Variants in WDR45 observed in about 807,000 individuals in gnomAD.
The protein encoded by WDR45 is WD repeat domain 45, also known as WD repeat domain phosphoinositide-interacting protein 4.
A neutral mutation model predicts 27.3 loss-of-function variants in WDR45; 2 were observed. That is an observed-to-expected ratio of 0.07 (90% CI 0.03 to 0.23). WDR45 has a LOEUF of 0.23. Ranked by LOEUF, WDR45 falls within the 10% of genes least tolerant of loss-of-function variation. The pLI is 1.00. For synonymous variants in WDR45, 99 were observed against 119.2 expected (o/e 0.83, Z 1.11); for missense variants, 175 against 311.9 (o/e 0.56, Z 3.31).
At chrX:49,092,481 G>A in intron 2 of WDR45, among the ~76,000 whole-genome samples, 1 of 110,027 alleles carries the variant, frequency 9.1e-6, no homozygotes, top group Non-Finnish European at 1.9e-5. Context: ...TAAAAAAATA[G>A]TAGCAGTTTA....
chrX:49,078,002 G>A (rs781996737), intron 2 of WDR45, 39 bp downstream of exon 2: 3 of 1,210,503 alleles, frequency 2.5e-6, no homozygotes, highest in Non-Finnish European at 3.4e-6. Flanking sequence ...TCTTTTCCTC[G>A]CTTCCTCCCA....
At chrX:49,092,321 T>C (rs905835463) in intron 2 of WDR45, among the ~76,000 whole-genome samples, 2 of 106,038 alleles carry the variant, frequency 1.9e-5, no homozygotes, top group African/African-American at 6.9e-5. Context: ...TCCACTATCT[T>C]GATTATGGTG....
intron 2 of WDR45, among the ~76,000 whole-genome samples, chrX:49,088,011 C>G (rs2065092001): frequency 8.9e-6 from 1 of 112,213 alleles, no homozygotes; most frequent in Admixed American, 9.6e-5. Context: ...AAAGGAAAAG[C>G]TGGGGAATGA....
chrX:49,075,472 G>A lies in WDR45; in HGVS notation c.726-7C>T. ...GTCGTGGCTGAAGTTAATGCTAGAA[G>A]ACAGATCAGCAGTGATGCCCACATG... On this transcript the variant is annotated splice_polypyrimidine_tract_variant and splice_region_variant and intron_variant, in intron 8 of 10. Coordinates refer to ENST00000376372, the MANE Select transcript of WDR45 (RefSeq NM_001029896.2). The A allele has an allele frequency of 1.7e-6, 2 of 1,210,499 alleles. No homozygotes were observed. The highest frequency in any genetic ancestry group is 2.2e-6 in the Non-Finnish European group (2 of 894,578).
chrX:49,086,632 C>A (rs1488137258), intron 2 of WDR45, among the ~76,000 whole-genome samples: 2 of 110,194 alleles, frequency 1.8e-5, no homozygotes, highest in African/African-American at 6.6e-5. Context: ...CTTGCTCTGT[C>A]GCCCAGGCTG....
At chrX:49,079,708 C>T (rs2065058011) in intron 1 of WDR45, 43 bp downstream of exon 1, 1 of 112,413 alleles carries the variant, frequency 8.9e-6, no homozygotes, top group African/African-American at 3.2e-5. Context: ...CTGCCTTAGA[C>T]CCCTACTCGA....
chrX:49,085,694 G>A (rs1246229797), intron 2 of WDR45, among the ~76,000 whole-genome samples: 1 of 112,023 alleles, frequency 8.9e-6, no homozygotes, highest in Non-Finnish European at 1.9e-5. Flanking sequence ...TGGGAAACAT[G>A]GTGAAACCCT....
chrX:49,095,759 CTTTTTTTT>C (rs1204267334), intron 2 of WDR45, among the ~76,000 whole-genome samples: 1 of 26,137 alleles, frequency 3.8e-5, no homozygotes, highest in Non-Finnish European at 6.0e-5. Flanking sequence ...CGTGCCCGGC[CTTTTTTTT>C]TTTTTTTTTT....
intron 2 of WDR45, among the ~76,000 whole-genome samples, chrX:49,089,786 C>CAAAAAA (rs782204856): frequency 4.1e-5 from 3 of 72,892 alleles, no homozygotes; most frequent in South Asian, 8.9e-4. Flanking sequence ...AACCTTATCT[C>CAAAAAA]AAAAAAAAAA....
chrX:49,081,530 G>GAA (rs782310285), upstream of WDR45, among the ~76,000 whole-genome samples: 3 of 60,682 alleles, frequency 4.9e-5, 1 homozygote, highest in Non-Finnish European at 9.6e-5. Context: ...ACTCTGTCTC[G>GAA]AAAAAAAAAA....
intron 2 of WDR45, among the ~76,000 whole-genome samples, chrX:49,092,119 C>A (rs1212341461): frequency 3.9e-4 from 14 of 35,728 alleles, no homozygotes; most frequent in Admixed American, 1.1e-3. Context: ...CACTCCATCT[C>A]AAAAAAAAAA....
chrX:49,075,159 G>C lies in WDR45; in HGVS notation c.950C>G (p.Ser317Cys). 1 of 1,212,016 alleles carries C rather than the reference G, an allele frequency of 8.3e-7. No homozygotes were observed. Residue 317 changes from serine to cysteine, a missense_variant, in exon 10 of 11, where the codon TCC (serine) becomes TGC (cysteine). By Grantham distance (112) the Ser-to-Cys change is moderately radical (BLOSUM62 -1). Around this residue, in one of 3 missense-constraint regions of WDR45, gnomAD observed 71 missense variants for 123.0 expected, o/e 0.58. Coordinates refer to ENST00000376372, the MANE Select transcript of WDR45 (RefSeq NM_001029896.2). ...ACICAFGRNT[S>C]KNVNSVIAIC... Reference sequence around the variant, plus strand: ...ACCAATGACAGAGTTGACGTTCTTGGAAGTATTGCGACCGAAGGCGCAGAT... The same window carrying C: ...ACCAATGACAGAGTTGACGTTCTTGCAAGTATTGCGACCGAAGGCGCAGAT...
At position 49,075,533 on chromosome X, in the gene WDR45, C is replaced by T. The variant is rs1386187257; in HGVS notation, c.725+12G>A. ...TGGGGTCACCAGCCCACCATGCATA[C>T]CCTGTGCTCACCAGTAGAGGGTGGC... On this transcript the variant is annotated intron_variant, in intron 8 of 10. Transcript: ENST00000376372. 3.3e-6 allele frequency: 4 copies of T among 1,209,909 alleles called. No individual in the cohort carries two copies. Among genetic ancestry groups the T allele is most frequent in the Non-Finnish European group, 4.5e-6 (4 of 895,062 alleles).
rs1557084237 is a variant in WDR45, at chrX:49,076,447, G to A, written c.419C>T (p.Thr140Ile). 1.7e-6 allele frequency: 2 copies of A among 1,211,858 alleles called. No homozygotes were observed. The highest frequency in any genetic ancestry group is 2.2e-6 in the Non-Finnish European group (2 of 895,491). Residue 140 changes from threonine (T) to isoleucine (I), a missense_variant, in exon 6 of 11, where the codon ACC (threonine) becomes ATC (isoleucine). Transcript: ENST00000376372. ...DNPRKLFEFD[T>I]RDNPKGLCDL... ...CCTCTCACCCTTGGGGTTGTCCCGG[G>A]TATCAAACTCAAACAGCTTTCGGGG...
rs1245415089 is a variant in WDR45 at position 49,088,461 on chromosome X, G to A, written c.-17-10349C>T. On this transcript the variant is annotated intron_variant, in intron 2 of 11. Transcript: ENST00000356463. ...AAGGCCTTAAGCTCTTATTTGTGGG[G>A]GACCTTCAGGCTTTGGGCAAGGAAA... is the stretch of plus-strand genomic sequence containing the variant. Among the ~76,000 whole-genome samples, 3 of 111,471 alleles carry A rather than the reference G, an allele frequency of 2.7e-5. No individual in the cohort carries two copies. In the East Asian group the frequency reaches 8.4e-4, roughly 31 times the overall value.
At chrX:49,079,046 C>A (rs1298209095) in intron 1 of WDR45, 2 of 111,643 alleles carry the variant, frequency 1.8e-5, no homozygotes, top group Non-Finnish European at 3.8e-5. Context: ...CTTGGGATGA[C>A]CCCTTCTCAT....
intron 1 of WDR45, among the ~76,000 whole-genome samples, 180 bp from the exon 2 acceptor site, chrX:49,078,292 C>T (rs1602540996): frequency 8.9e-6 from 1 of 112,472 alleles, no homozygotes; most frequent in Non-Finnish European, 1.9e-5. Context: ...GAGGCCAAGG[C>T]GGGTGGATCA....
At chrX:49,090,817 T>C (rs1288426438) in intron 2 of WDR45, among the ~76,000 whole-genome samples, 1 of 110,334 alleles carries the variant, frequency 9.1e-6, no homozygotes, top group African/African-American at 3.3e-5. Flanking sequence ...GGATTACAGG[T>C]GTGAGCCACC....
At chrX:49,078,222 G>T in intron 1 of WDR45, 110 bp from the exon 2 acceptor site, 1 of 761,665 alleles carries the variant, frequency 1.3e-6, no homozygotes, top group Non-Finnish European at 1.9e-6. Flanking sequence ...TGGAGTGACT[G>T]CAAAAAAGAT....
Sources: allele counts gnomAD v4.1 joint callset (sites outside exome capture counted in the v4.1 genomes callset), GRCh38; gene constraint gnomAD v4.1.1; regional missense constraint gnomAD v4.1.1; transcripts MANE v1.5; gene names NCBI Gene and HGNC (gene_info 2026-07-23, HGNC 2026-07-21).